Variants in DCC observed in about 807,000 individuals in gnomAD.
The protein encoded by DCC is DCC netrin 1 receptor.
A neutral mutation model predicts 172.5 loss-of-function variants in DCC; 58 were observed. The observed-to-expected ratio is 0.34, with a 90% confidence interval of 0.27 to 0.42. The LOEUF is 0.42. DCC is among the 10% of genes least tolerant of loss of function. DCC has a pLI of 1.00. For synonymous variants in DCC, 709 were observed against 644.5 expected, an observed-to-expected ratio of 1.10 and a Z score of -1.52; for missense variants, 1,740 against 1,791.0, an observed-to-expected ratio of 0.97 and a Z score of 0.51.
chr18:52,682,401 G>C (rs2035763056), intron 1 of DCC, among the ~76,000 whole-genome samples: 1 of 151,986 alleles, frequency 6.6e-6, no homozygotes, highest in Non-Finnish European at 1.5e-5. Flanking sequence ...GGATTTGGAG[G>C]AAAATGCATT....
At chr18:53,503,158 T>C (rs372369895) in intron 27 of DCC, among the ~76,000 whole-genome samples, 1 of 152,180 alleles carries the variant, frequency 6.6e-6, no homozygotes, top group African/African-American at 2.4e-5. Context: ...TACATGGGTC[T>C]AGGGCAAAAC....
chr18:53,468,341 T>TTTTTATTTATTTATTTATTTATTTATTTA (rs1491310803), intron 25 of DCC, among the ~76,000 whole-genome samples: 1 of 57,440 alleles, frequency 1.7e-5, no homozygotes, highest in Admixed American at 2.0e-4. Context: ...CCATAGTTTA[T>TTTTTATTTATTTATTTATTTATTTATTTA]TTTTATTTAT....
chr18:52,401,836 C>T (rs1254079159), intron 1 of DCC, among the ~76,000 whole-genome samples: 1 of 151,928 alleles, frequency 6.6e-6, no homozygotes, highest in Non-Finnish European at 1.5e-5. Context: ...ATATTTCTGA[C>T]ATAGCTGTTC....
intron 2 of DCC, among the ~76,000 whole-genome samples, chr18:52,819,785 C>A (rs1230604359): frequency 6.6e-6 from 1 of 151,498 alleles, no homozygotes; most frequent in Non-Finnish European, 1.5e-5. Context: ...ATGGCGCGAT[C>A]TCTGCTCACT....
At chr18:52,880,391 T>C (rs1001712311) in intron 2 of DCC, among the ~76,000 whole-genome samples, 1 of 152,122 alleles carries the variant, frequency 6.6e-6, no homozygotes, top group Non-Finnish European at 1.5e-5. Context: ...CAAATGAGTT[T>C]GCCTGCCTCA....
intron 5 of DCC, among the ~76,000 whole-genome samples, chr18:52,951,763 G>A (rs1418780390): frequency 6.6e-6 from 1 of 152,166 alleles, no homozygotes; most frequent in Non-Finnish European, 1.5e-5. Context: ...CTCCAGATAT[G>A]TAGTTAGATC....
At chr18:53,323,626 G>T (rs965409443) in intron 14 of DCC, among the ~76,000 whole-genome samples, 3 of 152,112 alleles carry the variant, frequency 2.0e-5, no homozygotes, top group African/African-American at 7.2e-5. Flanking sequence ...GTTCAACTTA[G>T]GATGGGTGGA....
At chr18:52,833,355 C>G (rs2038650012) in intron 2 of DCC, among the ~76,000 whole-genome samples, 1 of 152,082 alleles carries the variant, frequency 6.6e-6, no homozygotes, top group Admixed American at 6.6e-5. Context: ...AAATTCCAAC[C>G]CATAAACATT....
intron 1 of DCC, among the ~76,000 whole-genome samples, chr18:52,415,105 A>T (rs577775355): frequency 1.1e-4 from 17 of 152,336 alleles, no homozygotes; most frequent in African/African-American, 3.6e-4. Flanking sequence ...TTTCATTATC[A>T]TTGTACAGAT....
At chr18:52,960,285 T>C (rs2040821888) in intron 5 of DCC, among the ~76,000 whole-genome samples, 1 of 152,184 alleles carries the variant, frequency 6.6e-6, no homozygotes, top group Non-Finnish European at 1.5e-5. Context: ...GATTTTCCTG[T>C]AATTAAAATT....
intron 27 of DCC, among the ~76,000 whole-genome samples, chr18:53,521,479 A>G (rs149747679): frequency 6.6e-6 from 1 of 152,270 alleles, no homozygotes; most frequent in Admixed American, 6.5e-5. Context: ...TATGCCTAGG[A>G]ATTCATTTCT....
intron 12 of DCC, among the ~76,000 whole-genome samples, chr18:53,260,932 C>T (rs1366055915): frequency 1.3e-5 from 2 of 152,152 alleles, no homozygotes; most frequent in African/African-American, 4.8e-5. Context: ...CTCGCTGCCA[C>T]CTTGCAGTTT....
chr18:53,452,227 C>T (rs2045423428), intron 23 of DCC, among the ~76,000 whole-genome samples: 1 of 152,162 alleles, frequency 6.6e-6, no homozygotes, highest in Admixed American at 6.5e-5. Flanking sequence ...GTCTCTGAAG[C>T]AGAGTTAAGA....
chr18:53,235,484 TTC>T (rs1168325078), intron 12 of DCC, among the ~76,000 whole-genome samples: 1 of 152,206 alleles, frequency 6.6e-6, no homozygotes, highest in East Asian at 1.9e-4. Context: ...CAAGTAAGCA[TTC>T]TTTTTTGTTT....
intron 1 of DCC, among the ~76,000 whole-genome samples, chr18:52,416,875 T>A (rs1010587935): frequency 6.6e-6 from 1 of 152,048 alleles, no homozygotes; most frequent in South Asian, 2.1e-4. Flanking sequence ...CATTTACATT[T>A]AAAGTGAATA....
At chr18:52,947,989 C>T (rs2040575439) in intron 5 of DCC, among the ~76,000 whole-genome samples, 1 of 152,088 alleles carries the variant, frequency 6.6e-6, no homozygotes, top group Admixed American at 6.5e-5. Context: ...AGAAAGGCAT[C>T]TAACCATTTA....
At chr18:52,744,363 A>T (rs1388245991) in intron 1 of DCC, among the ~76,000 whole-genome samples, 1 of 152,100 alleles carries the variant, frequency 6.6e-6, no homozygotes, top group African/African-American at 2.4e-5. Context: ...TATTTTAATG[A>T]TCCTTAATAA....
chr18:53,003,646 G>C (rs958714166), intron 5 of DCC, among the ~76,000 whole-genome samples: 9 of 152,112 alleles, frequency 5.9e-5, no homozygotes, highest in Non-Finnish European at 1.0e-4. Flanking sequence ...GTAGGGATAG[G>C]AGCCTCAGAC....
At chr18:53,125,498 T>C (rs2043542454) in intron 7 of DCC, among the ~76,000 whole-genome samples, 2 of 152,108 alleles carry the variant, frequency 1.3e-5, no homozygotes, top group Non-Finnish European at 2.9e-5. Context: ...TTCATTTTCT[T>C]AGCAACTTTT....
Sources: allele counts gnomAD v4.1 joint callset (sites outside exome capture counted in the v4.1 genomes callset), GRCh38; gene constraint gnomAD v4.1.1; transcripts MANE v1.5; gene names NCBI Gene and HGNC (gene_info 2026-07-23, HGNC 2026-07-21).